INTS7: variants seen among roughly 807,000 people sequenced by gnomAD.
INTS7 encodes integrator complex subunit 7.
Under a neutral mutation model 109.2 loss-of-function variants are expected in INTS7, and 46 were observed. That is an observed-to-expected ratio of 0.42 (90% CI 0.33 to 0.54). INTS7 has a LOEUF of 0.54. Ranked by LOEUF, INTS7 falls within the 20% of genes least tolerant of loss-of-function variation. The pLI, the probability that INTS7 is intolerant of heterozygous loss-of-function variation, is 0.07. For synonymous variants in INTS7, 412 were observed against 402.9 expected (o/e 1.02, Z -0.27); for missense variants, 929 against 1,132.4 (o/e 0.82, Z 2.58).
In INTS7 at chr1:211,960,076, G is replaced by A. The variant is rs140413764; in HGVS notation, c.2183+6354C>T. Among the ~76,000 whole-genome samples the A allele has an allele frequency of 1.8e-3, 280 of 152,262 alleles. 2 individuals are homozygous for A. The highest frequency in any genetic ancestry group is 6.5e-3 in the African/African-American group (269 of 41,544). Reference sequence around the variant, plus strand: ...CACCCATTGGAGTGTAGTAACCAGTGGCCCTGGAGCACCTTGGCCCCCTAC... The same window carrying A: ...CACCCATTGGAGTGTAGTAACCAGTAGCCCTGGAGCACCTTGGCCCCCTAC... On this transcript the variant is annotated intron_variant, in intron 16 of 19. Transcript: ENST00000366994.
At chr1:211,994,685 C>T (rs752214022) in intron 7 of INTS7, among the ~76,000 whole-genome samples, 6 of 150,882 alleles carry the variant, frequency 4.0e-5, no homozygotes, top group Non-Finnish European at 5.9e-5. Flanking sequence ...CGCCTACCTC[C>T]GCCTCCCCAA....
chr1:212,001,497 TTTAC>T (rs1665669974), intron 7 of INTS7, among the ~76,000 whole-genome samples: 1 of 152,132 alleles, frequency 6.6e-6, no homozygotes, highest in African/African-American at 2.4e-5. Flanking sequence ...AATACAACTA[TTTAC>T]TTAAGATTAC....
intron 19 of INTS7, among the ~76,000 whole-genome samples, chr1:211,943,669 T>C (rs751110162): frequency 6.6e-6 from 1 of 152,194 alleles, no homozygotes; most frequent in African/African-American, 2.4e-5. Context: ...GAACTTGCCA[T>C]AGTTAAGAAA....
chr1:212,001,405 G>A (rs1052442389), intron 7 of INTS7, among the ~76,000 whole-genome samples: 1 of 151,976 alleles, frequency 6.6e-6, no homozygotes, highest in African/African-American at 2.4e-5. Context: ...CATGGGTTCC[G>A]CATCCACTGA....
chr1:211,970,215 T>C (rs1321853980), intron 13 of INTS7, among the ~76,000 whole-genome samples: 2 of 152,108 alleles, frequency 1.3e-5, no homozygotes, highest in African/African-American at 4.8e-5. Flanking sequence ...CAGGGGTAAG[T>C]CTTGGGTAGC....
intron 16 of INTS7, 90 bp downstream of exon 16, chr1:211,966,340 T>C: frequency 1.3e-6 from 1 of 743,916 alleles, no homozygotes; most frequent in East Asian, 2.5e-5. Context: ...ACTTCCATAG[T>C]ACTAGCTCCA....
chr1:211,971,311 A>T (rs910589256), intron 13 of INTS7, among the ~76,000 whole-genome samples: 2 of 152,246 alleles, frequency 1.3e-5, no homozygotes, highest in South Asian at 4.1e-4. Flanking sequence ...AAACCTTTGC[A>T]GTAAGTGCAT....
At chr1:212,032,670 A>C (rs1303890534) in intron 1 of INTS7, among the ~76,000 whole-genome samples, 2 of 152,038 alleles carry the variant, frequency 1.3e-5, no homozygotes, top group Admixed American at 1.3e-4. Flanking sequence ...TAGTAGAGAC[A>C]GGGTTTCACC....
At chr1:212,018,513 A>AG (rs1666542916) in intron 3 of INTS7, among the ~76,000 whole-genome samples, 2 of 151,556 alleles carry the variant, frequency 1.3e-5, no homozygotes, top group Non-Finnish European at 2.9e-5. Context: ...TAAAAAAAAA[A>AG]AACCATGTTT....
intron 1 of INTS7, among the ~76,000 whole-genome samples, chr1:212,033,829 T>G (rs1231507198): frequency 6.6e-6 from 1 of 152,166 alleles, no homozygotes; most frequent in Non-Finnish European, 1.5e-5. Context: ...TGCCTGTAAA[T>G]CCCAGCACTT....
chr1:211,957,085 T>C (rs575769003), intron 16 of INTS7, among the ~76,000 whole-genome samples: 9 of 152,326 alleles, frequency 5.9e-5, no homozygotes, highest in Admixed American at 1.3e-4. Context: ...TGCACCAACA[T>C]TGGACACTGA....
At chr1:211,945,738 T>C (rs888921695) in intron 18 of INTS7, among the ~76,000 whole-genome samples, 17 of 152,254 alleles carry the variant, frequency 1.1e-4, no homozygotes, top group African/African-American at 4.1e-4. Flanking sequence ...CTAACAGGGA[T>C]AATCCAGGAG....
intron 13 of INTS7, among the ~76,000 whole-genome samples, chr1:211,974,791 A>ATTTTATCTATAAATC (rs1388761339): frequency 4.6e-5 from 7 of 152,198 alleles, no homozygotes; most frequent in African/African-American, 1.4e-4. Flanking sequence ...CTATAAAGCA[A>ATTTTATCTATAAATC]GAAACTTTAG....
At chr1:212,006,458 G>A (rs1264429014) in intron 7 of INTS7, among the ~76,000 whole-genome samples, 181 bp downstream of exon 7, 1 of 152,046 alleles carries the variant, frequency 6.6e-6, no homozygotes, top group African/African-American at 2.4e-5. Context: ...AAGTATAGAA[G>A]TTTTATGTAT....
intron 7 of INTS7, among the ~76,000 whole-genome samples, chr1:212,003,034 T>G (rs778678249): frequency 6.6e-6 from 1 of 151,702 alleles, no homozygotes; most frequent in African/African-American, 2.4e-5. Flanking sequence ...CACAAAGAGA[T>G]AGAAAATAGA....
intron 16 of INTS7, among the ~76,000 whole-genome samples, chr1:211,954,205 G>C (rs1371294190): frequency 6.6e-6 from 1 of 152,210 alleles, no homozygotes; most frequent in Admixed American, 6.5e-5. Context: ...CTTCTTTTGA[G>C]AAGTGTCTGT....
chr1:211,982,414 T>C (rs1664704884), intron 9 of INTS7, among the ~76,000 whole-genome samples: 1 of 152,104 alleles, frequency 6.6e-6, no homozygotes, highest in Admixed American at 6.6e-5. Context: ...ATGCACCATA[T>C]ATGCAAAGGT....
chr1:212,019,126 C>T (rs1666579756), intron 3 of INTS7, among the ~76,000 whole-genome samples: 1 of 152,060 alleles, frequency 6.6e-6, no homozygotes, highest in Non-Finnish European at 1.5e-5. Context: ...TGGCGGGCAC[C>T]TACAATCCCA....
At chr1:212,016,827 T>C in intron 4 of INTS7, 59 bp downstream of exon 4, 3 of 1,436,194 alleles carry the variant, frequency 2.1e-6, no homozygotes, top group Non-Finnish European at 2.9e-6. Flanking sequence ...CAGTTTTTCC[T>C]TCAAAAATTT....
Sources: gnomAD v4.1 joint callset for allele counts (sites outside exome capture counted in the v4.1 genomes callset) on GRCh38, gnomAD v4.1.1 for gene constraint, MANE v1.5 for transcripts, NCBI Gene and HGNC (gene_info 2026-07-23, HGNC 2026-07-21) for gene names.